Variants in ACSM1 observed in about 807,000 individuals in gnomAD.
The protein encoded by ACSM1 is acyl-coenzyme A synthetase ACSM1, mitochondrial.
ACSM1 carries 79 observed loss-of-function variants against 75.8 expected under a neutral mutation model. The observed-to-expected ratio is 1.04, with a 90% CI of 0.87 to 1.26. The LOEUF (loss-of-function observed/expected upper bound fraction) is 1.26, where lower values mean the gene tolerates loss of function less well. Ranked by LOEUF, ACSM1 falls within the 50% of genes most tolerant of loss-of-function variation. The probability of loss-of-function intolerance (pLI) is 0.00; values close to 1 mark genes in which losing one functional copy is unlikely to be tolerated. For missense variants in ACSM1, 676 were observed against 720.1 expected, an observed-to-expected ratio of 0.94 and a Z score of 0.70; for synonymous variants, 279 against 265.8, an observed-to-expected ratio of 1.05 and a Z score of -0.48.
chr16:20,688,082 C>G (rs1175510742), intron 2 of ACSM1, among the ~76,000 whole-genome samples: 1 of 144,968 alleles, frequency 6.9e-6, no homozygotes, highest in African/African-American at 2.6e-5. Context: ...AAAACTCTGT[C>G]TCAAAAAAAA....
Position 20,677,519 on chromosome 16 carries a change from C to T in ACSM1, c.611+4737G>A, listed in dbSNP as rs188554302. Among the ~76,000 whole-genome samples, 15 of 152,334 alleles carry T rather than the reference C, an allele frequency of 9.8e-5. No homozygotes were observed. In the East Asian group the frequency reaches 1.7e-3, roughly 18 times the overall value. On this transcript the variant is annotated intron_variant, in intron 4 of 13. Transcript: ENST00000520010. ...CCCTAAACCCGGCTACCTTGCTCCT[C>T]ATCAAGTCAGTACCAGGAGACCCCC...
chr16:20,672,471 A>AAAAAAATATATATAT (rs1555473775), intron 4 of ACSM1, among the ~76,000 whole-genome samples: 43 of 64,522 alleles, frequency 6.7e-4, no homozygotes, highest in East Asian at 3.9e-3. Context: ...AAAAAAAAAA[A>AAAAAAATATATATAT]ATATATATAT....
At position 20,627,218 on chromosome 16, in the gene ACSM1, C is replaced by A; in HGVS notation, c.1398G>T (p.Gly466=). Reference sequence around the variant, plus strand: ...AGGCATTAATGATGTCATCACTCCTCCCCAGGAAACAAATGTAGCCCTCTT... The same window carrying A: ...AGGCATTAATGATGTCATCACTCCTACCCAGGAAACAAATGTAGCCCTCTT... ...MDEEGYICFL[G]RSDDIINASG... The change falls in exon 11 of 14, where the codon GGG becomes GGT. Residue 466 remains glycine, a synonymous_variant. Coordinates refer to ENST00000520010, the MANE Select transcript of ACSM1 (RefSeq NM_001318890.3). 6.4e-7 allele frequency: 1 copy of A among 1,574,622 alleles called. No homozygotes were observed.
At chr16:20,691,907 C>T (rs979527869) in intron 1 of ACSM1, among the ~76,000 whole-genome samples, 3 of 151,940 alleles carry the variant, frequency 2.0e-5, no homozygotes, top group Non-Finnish European at 4.4e-5. Context: ...AGACAGCCCC[C>T]CTACAGGCGA....
intron 4 of ACSM1, among the ~76,000 whole-genome samples, chr16:20,673,282 G>T (rs1034806789): frequency 2.0e-5 from 3 of 151,854 alleles, no homozygotes; most frequent in African/African-American, 7.3e-5. Context: ...AGGCTTCTAT[G>T]GTGTTCAAAG....
chr16:20,681,596 G>A (rs11641336), intron 4 of ACSM1: 5,973 of 152,536 alleles, frequency 0.039, 124 homozygotes, highest in Middle Eastern at 0.099. Context: ...ACACACTACC[G>A]CACAGTTGAT....
At chr16:20,626,163 A>T (rs1224376067) in intron 11 of ACSM1, among the ~76,000 whole-genome samples, 1 of 151,892 alleles carries the variant, frequency 6.6e-6, no homozygotes, top group East Asian at 1.9e-4. Flanking sequence ...AAACAGGGGG[A>T]TCAATGGAGG....
At chr16:20,676,364 G>A (rs796651581) in intron 4 of ACSM1, among the ~76,000 whole-genome samples, 1 of 152,186 alleles carries the variant, frequency 6.6e-6, no homozygotes, top group Non-Finnish European at 1.5e-5. Context: ...AAATCTCAGA[G>A]GTGCTCCAGG....
chr16:20,623,432 A>G lies in ACSM1; in HGVS notation c.*54T>C. 2 of 1,535,348 alleles carry G rather than the reference A, an allele frequency of 1.3e-6. No homozygotes were observed. The highest frequency in any genetic ancestry group is 1.8e-6 in the Non-Finnish European group (2 of 1,109,346). On this transcript the variant is annotated 3_prime_UTR_variant, in exon 14 of 14. Coordinates refer to ENST00000520010, the MANE Select transcript of ACSM1 (RefSeq NM_001318890.3). ...TCGTCCTCACCATAGTGGGGAGACT[A>G]AAGTGGCCAGGGATTTGCCTTAGGT...
In ACSM1 at chr16:20,653,984, G is replaced by A. The variant is rs145544536; in HGVS notation, c.992+7810C>T. The stretch of plus-strand genomic sequence containing the variant: ...CCAAAACAACAAAGGTGGAGGCATC[G>A]CGCTACCTGACTTCAAACGATACCA... On this transcript the variant is annotated intron_variant, in intron 7 of 13. Transcript: ENST00000520010. Among the ~76,000 whole-genome samples the A allele has an allele frequency of 1.8e-4, 27 of 152,226 alleles. No homozygotes were observed. In the East Asian group the frequency reaches 3.5e-3, roughly 20 times the overall value.
Position 20,631,606 on chromosome 16 carries a change from GA to G in ACSM1, c.1300-4291del, listed in dbSNP as rs1254018962. Among the ~76,000 whole-genome samples, 4 of 152,166 alleles carry G rather than the reference GA, an allele frequency of 2.6e-5. No individual in the cohort carries two copies. In the East Asian group the frequency reaches 7.7e-4, roughly 29 times the overall value. ...CACAATTTGCAATTGCAAAGATATGGAACCAACCAAAGTGCCCATCAACCAA... is the reference window on the plus strand; with the variant it reads ...CACAATTTGCAATTGCAAAGATATGGACCAACCAAAGTGCCCATCAACCAA... On this transcript the variant is annotated intron_variant, in intron 10 of 13. Coordinates refer to ENST00000520010, the MANE Select transcript of ACSM1 (RefSeq NM_001318890.3).
intron 7 of ACSM1, among the ~76,000 whole-genome samples, chr16:20,650,531 C>A (rs1478473584): frequency 1.3e-5 from 2 of 152,000 alleles, no homozygotes; most frequent in Non-Finnish European, 2.9e-5. Context: ...GGTCATAGAC[C>A]TCTGGAGAGA....
intron 3 of ACSM1, 36 bp downstream of exon 3, chr16:20,685,157 C>T (rs754991881): frequency 1.2e-6 from 2 of 1,611,068 alleles, no homozygotes; most frequent in East Asian, 4.5e-5. Context: ...TCTAGAACAG[C>T]CCCGAGGTCC....
chr16:20,690,879 A>C, intron 2 of ACSM1, 118 bp downstream of exon 2: 1 of 963,760 alleles, frequency 1.0e-6, no homozygotes, highest in African/African-American at 1.7e-5. Context: ...TTCTTCCACA[A>C]CACTGATAAG....
chr16:20,691,178 A>C lies in ACSM1; in HGVS notation c.11T>G (p.Leu4Arg). 6.3e-7 allele frequency: 1 copy of C among 1,592,096 alleles called. No individual in the cohort carries two copies. Among genetic ancestry groups the C allele is most frequent in the Non-Finnish European group, 8.5e-7 (1 of 1,171,622 alleles). MQWLMRFRTLWGIH... is the reference protein window; with the variant it reads MQWRMRFRTLWGIH... ...GCCCCAGAGGGTCCGGAACCTCATTAGCCACTGCATGGTGAAACAGTCCTC... is the reference window on the plus strand; with the variant it reads ...GCCCCAGAGGGTCCGGAACCTCATTCGCCACTGCATGGTGAAACAGTCCTC... Residue 4 changes from leucine (L) to arginine (R), a missense_variant, in exon 2 of 14, where the codon CTA becomes CGA. Transcript: ENST00000520010.
chr16:20,680,490 G>C (rs1030457965), intron 4 of ACSM1: 1 of 152,190 alleles, frequency 6.6e-6, no homozygotes, highest in African/African-American at 2.4e-5. Context: ...GGAACCAGTG[G>C]CCATGGGAGG....
chr16:20,697,024 A>G (rs2079693438), intron 1 of ACSM1, among the ~76,000 whole-genome samples: 4 of 152,172 alleles, frequency 2.6e-5, no homozygotes, highest in Admixed American at 6.5e-5. Flanking sequence ...TAAGGACTCA[A>G]TAAATGTTGA....
intron 7 of ACSM1, among the ~76,000 whole-genome samples, chr16:20,643,915 A>T (rs1420937685): frequency 6.6e-6 from 1 of 152,176 alleles, no homozygotes; most frequent in Non-Finnish European, 1.5e-5. Flanking sequence ...ATCTAGACAC[A>T]GAGCACTGAT....
chr16:20,664,257 G>A (rs2019449789), intron 6 of ACSM1, among the ~76,000 whole-genome samples: 2 of 151,770 alleles, frequency 1.3e-5, no homozygotes, highest in African/African-American at 4.8e-5. Flanking sequence ...GTCTTCATGA[G>A]ACCCATCTCA....
Sources: allele counts gnomAD v4.1 joint callset (sites outside exome capture counted in the v4.1 genomes callset), GRCh38; gene constraint gnomAD v4.1.1; transcripts MANE v1.5; gene names NCBI Gene and HGNC (gene_info 2026-07-23, HGNC 2026-07-21).